The following ARID1B variants were observed in gnomAD, a reference collection of about 807,000 sequenced individuals.
The protein encoded by ARID1B is AT-rich interaction domain 1B.
A neutral mutation model predicts 212.3 loss-of-function variants in ARID1B; 30 were observed. That is an observed-to-expected ratio of 0.14 (90% CI 0.11 to 0.19). ARID1B has a LOEUF of 0.19. Ranked by LOEUF, ARID1B falls within the 10% of genes least tolerant of loss-of-function variation. The pLI is 1.00. For synonymous variants in ARID1B, 1,402 were observed against 1,301.7 expected, an observed-to-expected ratio of 1.08 and a Z score of -1.66; for missense variants, 2,891 against 3,204.0, an observed-to-expected ratio of 0.90 and a Z score of 2.36.
chr6:156,951,858 T>C (rs1429804231), intron 4 of ARID1B, among the ~76,000 whole-genome samples: 2 of 152,192 alleles, frequency 1.3e-5, no homozygotes, highest in Non-Finnish European at 2.9e-5. Context: ...GTCCAAAATA[T>C]GAGTTTTTAA....
chr6:157,149,091 T>G (rs1790014643), intron 8 of ARID1B, 140 bp downstream of exon 8: 6 of 847,572 alleles, frequency 7.1e-6, no homozygotes, highest in African/African-American at 3.4e-5. Flanking sequence ...CTTTTTGTGT[T>G]AAATATATTC....
intron 5 of ARID1B, among the ~76,000 whole-genome samples, chr6:157,107,570 G>T (rs1036684494): frequency 6.6e-6 from 1 of 152,176 alleles, no homozygotes; most frequent in Non-Finnish European, 1.5e-5. Flanking sequence ...TGTGCACGTG[G>T]CTGTGTGTGT....
intron 1 of ARID1B, among the ~76,000 whole-genome samples, chr6:156,786,194 A>AT (rs1377766278): frequency 3.3e-5 from 5 of 151,642 alleles, no homozygotes; most frequent in African/African-American, 4.9e-5. Context: ...TTATAGTGAT[A>AT]TTTTTTTCTA....
At chr6:157,189,871 AT>A in intron 14 of ARID1B, 91 bp downstream of exon 14, 1 of 1,591,834 alleles carries the variant, frequency 6.3e-7, no homozygotes, top group Non-Finnish European at 8.6e-7. Flanking sequence ...AAGAAATGGT[AT>A]TCCCTAGAGA....
At chr6:156,893,045 C>A (rs866680620) in intron 2 of ARID1B, among the ~76,000 whole-genome samples, 5 of 85,924 alleles carry the variant, frequency 5.8e-5, no homozygotes, top group Non-Finnish European at 1.2e-4. Context: ...TTTTTTCTTC[C>A]TTTTTTTTTT....
Position 156,981,917 on chromosome 6 carries a change from G to A in ARID1B, c.2247+46341G>A, listed in dbSNP as rs760103436. On this transcript the variant is annotated intron_variant, in intron 4 of 19. Transcript: ENST00000636930. ...CTGCCAGAGAAGTTTTTCAGCTCCA[G>A]TATTTTTTCTTAAGAGACATCCCTT... Among the ~76,000 whole-genome samples the A allele has an allele frequency of 2.0e-5, 3 of 151,784 alleles. No individual in the cohort carries two copies. In the South Asian group the frequency reaches 6.2e-4, roughly 32 times the overall value.
At chr6:157,021,309 AG>A (rs1046039770) in intron 4 of ARID1B, among the ~76,000 whole-genome samples, 1 of 152,188 alleles carries the variant, frequency 6.6e-6, no homozygotes, top group African/African-American at 2.4e-5. Context: ...GCTCCTCCGA[AG>A]GGAGAACCAG....
rs960467735 is a variant in ARID1B, at chr6:157,208,391, A to G, written c.*500A>G. 4.3e-6 allele frequency: 1 copy of G among 233,668 alleles called. No individual in the cohort carries two copies. Among genetic ancestry groups the G allele is most frequent in the Non-Finnish European group, 8.5e-6 (1 of 118,036 alleles). The allele number at this position is 233,668 out of a possible 1,614,324, so 14.5% of individuals were successfully genotyped here. On this transcript the variant is annotated 3_prime_UTR_variant, in exon 20 of 20. Transcript: ENST00000636930. Reference sequence around the variant, plus strand: ...TCACCCAAAGTTCTGTGCAATAGAAATTTCTACAGATACAGGTATAGGGGC... The same window carrying G: ...TCACCCAAAGTTCTGTGCAATAGAAGTTTCTACAGATACAGGTATAGGGGC...
At position 157,190,016 on chromosome 6, in the gene ARID1B, T is replaced by A; in HGVS notation, c.4059-22T>A. Reference sequence around the variant, plus strand: ...GTAACTCCTGCTGTATCATTAAGCTTTCATTCTTTGCCTCTCTTCAGAAGC... The same window carrying A: ...GTAACTCCTGCTGTATCATTAAGCTATCATTCTTTGCCTCTCTTCAGAAGC... On this transcript the variant is annotated intron_variant, in intron 14 of 19. Transcript: ENST00000636930. The surrounding 1 kb of genome is among the most constrained non-coding windows in gnomAD (Gnocchi z 4.6). 1 of 1,611,690 alleles carries A rather than the reference T, an allele frequency of 6.2e-7. No homozygotes were observed. Among genetic ancestry groups the A allele is most frequent in the Non-Finnish European group, 8.5e-7 (1 of 1,178,758 alleles).
chr6:156,912,964 T>C (rs1790015407), intron 3 of ARID1B, among the ~76,000 whole-genome samples: 1 of 152,150 alleles, frequency 6.6e-6, no homozygotes, highest in African/African-American at 2.4e-5. Flanking sequence ...CCCTTGAATT[T>C]ACTCTGTCTA....
At chr6:156,942,629 A>C (rs1416885151) in intron 4 of ARID1B, 2 of 151,928 alleles carry the variant, frequency 1.3e-5, no homozygotes, top group African/African-American at 4.8e-5. Flanking sequence ...GAAAAAAAAA[A>C]AAACACATGA....
At chr6:156,977,587 C>T (rs1030070517) in intron 4 of ARID1B, among the ~76,000 whole-genome samples, 1 of 152,088 alleles carries the variant, frequency 6.6e-6, no homozygotes, top group African/African-American at 2.4e-5. Context: ...AATATAGTTA[C>T]ACTAATTTAA....
intron 2 of ARID1B, among the ~76,000 whole-genome samples, chr6:156,875,315 A>C (rs1186330183): frequency 6.6e-6 from 1 of 152,126 alleles, no homozygotes; most frequent in East Asian, 1.9e-4. Context: ...TTTACAAATC[A>C]CTCATTTGAG....
At chr6:156,784,798 C>T (rs1779520741) in intron 1 of ARID1B, among the ~76,000 whole-genome samples, 1 of 152,148 alleles carries the variant, frequency 6.6e-6, no homozygotes, top group Non-Finnish European at 1.5e-5. Context: ...CTCACTTTGC[C>T]ACCCAGGTTG....
intron 7 of ARID1B, among the ~76,000 whole-genome samples, chr6:157,137,546 T>C (rs755212139): frequency 3.3e-5 from 5 of 152,200 alleles, no homozygotes; most frequent in Non-Finnish European, 5.9e-5. Context: ...ATCTTGTTTG[T>C]TTTTTGTGTT....
intron 7 of ARID1B, among the ~76,000 whole-genome samples, chr6:157,139,078 A>C (rs955499649): frequency 6.6e-6 from 1 of 152,208 alleles, no homozygotes; most frequent in Non-Finnish European, 1.5e-5. Flanking sequence ...ATTAGGGAGA[A>C]AAAGGAAAAT....
At chr6:156,904,433 T>C (rs942042477) in intron 3 of ARID1B, among the ~76,000 whole-genome samples, 9 of 152,224 alleles carry the variant, frequency 5.9e-5, no homozygotes, top group African/African-American at 2.2e-4. Flanking sequence ...ATTGAAACAA[T>C]GATGCCATGC....
intron 4 of ARID1B, among the ~76,000 whole-genome samples, chr6:156,990,634 C>T (rs957989134): frequency 8.5e-5 from 13 of 152,140 alleles, no homozygotes; most frequent in African/African-American, 2.9e-4. Context: ...AGCAAGACTC[C>T]GTCTCAAAAC....
At chr6:157,072,119 C>T (rs574424451) in intron 4 of ARID1B, 21 of 152,288 alleles carry the variant, frequency 1.4e-4, no homozygotes, top group African/African-American at 5.1e-4. Flanking sequence ...TAAGTTTTAA[C>T]ATCTATTCTG....
Sources: gnomAD v4.1 joint callset for allele counts (sites outside exome capture counted in the v4.1 genomes callset) on GRCh38, gnomAD v4.1.1 for gene constraint, Gnocchi (gnomAD v3.1) non-coding constraint, MANE v1.5 for transcripts, NCBI Gene and HGNC (gene_info 2026-07-23, HGNC 2026-07-21) for gene names.